POLR1C: variants seen among roughly 807,000 people sequenced by gnomAD.
The protein encoded by POLR1C is RNA polymerase I and III subunit C.
A neutral mutation model predicts 38.3 loss-of-function variants in POLR1C; 42 were observed. The observed-to-expected ratio is 1.10, with a 90% CI of 0.86 to 1.42. The LOEUF is 1.42. POLR1C is among the 40% of genes most tolerant of loss of function. The pLI is 0.00. For synonymous variants in POLR1C, 163 were observed against 163.9 expected, an observed-to-expected ratio of 0.99 and a Z score of 0.04; for missense variants, 507 against 450.5, an observed-to-expected ratio of 1.13 and a Z score of -1.14.
At chr6:43,537,218 T>C (rs1305573349) in intron 9 of POLR1C, among the ~76,000 whole-genome samples, 1 of 151,222 alleles carries the variant, frequency 6.6e-6, no homozygotes, top group African/African-American at 2.4e-5. Context: ...GAGATCCTCC[T>C]GCCCTGGCCT....
At chr6:43,534,526 T>C (rs775397011), downstream of POLR1C, among the ~76,000 whole-genome samples, 1 of 152,216 alleles carries the variant, frequency 6.6e-6, no homozygotes, top group Non-Finnish European at 1.5e-5. Context: ...TGAGCAATTA[T>C]AGGCTTTGAG....
chr6:43,558,326 T>C (rs1762221478), intron 10 of POLR1C, among the ~76,000 whole-genome samples: 1 of 152,116 alleles, frequency 6.6e-6, no homozygotes, highest in Admixed American at 6.6e-5. Flanking sequence ...CAAAATATTA[T>C]GCCTGGAATA....
chr6:43,528,988 G>T, intron 8 of POLR1C: 1 of 1,474,862 alleles, frequency 6.8e-7, no homozygotes, highest in Non-Finnish European at 9.3e-7. Context: ...CCAGGTGGTG[G>T]GTTGCACCCC....
chr6:43,533,653 A>G (rs1561867579), downstream of POLR1C: 1 of 269,956 alleles, frequency 3.7e-6, no homozygotes, highest in Non-Finnish European at 7.4e-6. Context: ...CCTGGGCAAC[A>G]TAGCAAGACT....
chr6:43,551,009 A>G (rs988272253), exon 10 of POLR1C: 1 of 213,694 alleles, frequency 4.7e-6, no homozygotes. Context: ...TACCTGATCC[A>G]CAGTAAGTAC....
exon 9 of POLR1C, chr6:43,529,411 G>A (rs538480695): frequency 6.8e-5 from 24 of 354,536 alleles, no homozygotes; most frequent in Admixed American, 2.9e-4. Context: ...AAAATTAGTC[G>A]GGCATGGGGG....
chr6:43,518,088 G>A lies in POLR1C; in HGVS notation c.141+711G>A, dbSNP rs150149724. Among the ~76,000 whole-genome samples the A allele has an allele frequency of 8.7e-4, 133 of 152,230 alleles. 1 individual carries two copies. The East Asian group carries it at 0.021, about 24-fold the overall frequency. Reference sequence around the variant, plus strand: ...GCATGTCCAAGTAGTTCTGGCATGAGTGGTAGGCAAGGTTGAAGTGTGTCT... The same window carrying A: ...GCATGTCCAAGTAGTTCTGGCATGAATGGTAGGCAAGGTTGAAGTGTGTCT... On this transcript the variant is annotated intron_variant, in intron 2 of 8. Coordinates refer to ENST00000642195, the MANE Select transcript of POLR1C (RefSeq NM_203290.4).
At chr6:43,548,267 A>G (rs1396670918) in intron 9 of POLR1C, 1 of 1,608,852 alleles carries the variant, frequency 6.2e-7, no homozygotes, top group East Asian at 2.2e-5. Context: ...TTACCTGTGC[A>G]TGTCTTGAGA....
exon 9 of POLR1C, chr6:43,529,378 TAA>T (rs35493258): frequency 0.071 from 8,385 of 117,932 alleles, 2 homozygotes; most frequent in South Asian, 0.11. Context: ...CCGTCTCTAC[TAA>T]AAAAAAAAAA....
At position 43,520,630 on chromosome 6, in the gene POLR1C, G is replaced by T. The variant is rs1000346057; in HGVS notation, c.661G>T (p.Asp221Tyr). The T allele has an allele frequency of 6.2e-7, 1 of 1,614,182 alleles. No individual in the cohort carries two copies. The highest frequency in any genetic ancestry group is 1.7e-5 in the Admixed American group (1 of 60,022). Reference protein sequence around the residue: ...LMHCVKGIGKDHAKFSPVATA... With the variant: ...LMHCVKGIGKYHAKFSPVATA... ...CGTTCCCTCTTCCTCTCCAGGCAAA[G>T]ATCATGCCAAGTTTTCACCAGTGGC... The change falls in exon 7 of 9, where the codon GAT (aspartate) becomes TAT (tyrosine). Residue 221 changes from aspartate to tyrosine, a missense_variant. By Grantham distance (160) the Asp-to-Tyr change is radical (BLOSUM62 -3). Coordinates refer to ENST00000642195, the MANE Select transcript of POLR1C (RefSeq NM_203290.4).
chr6:43,546,688 T>G, intron 9 of POLR1C: 1 of 1,613,386 alleles, frequency 6.2e-7, no homozygotes, highest in Non-Finnish European at 8.5e-7. Context: ...TTTGGCCTCT[T>G]CTAGGTCAGT....
At chr6:43,523,246 T>C, downstream of POLR1C, 1 of 190,384 alleles carries the variant, frequency 5.3e-6, no homozygotes, top group Non-Finnish European at 1.1e-5. Context: ...TACTTGATAC[T>C]GTGCCAAGTT....
intron 10 of POLR1C, chr6:43,553,658 G>A: frequency 5.0e-6 from 7 of 1,388,640 alleles, no homozygotes; most frequent in Admixed American, 6.0e-5. Context: ...CCTCTCAGCT[G>A]GGGCAAAGAA....
At chr6:43,533,945 G>A (rs1177940735), downstream of POLR1C, 8 of 1,607,568 alleles carry the variant, frequency 5.0e-6, no homozygotes, top group Non-Finnish European at 6.8e-6. Context: ...CATATCCAGA[G>A]CCTTGGTGAA....
At chr6:43,561,428 G>C (rs578169083) in exon 11 of POLR1C, 112 of 158,398 alleles carry the variant, frequency 7.1e-4, no homozygotes, top group African/African-American at 2.6e-3. Context: ...GCTCAGGCTG[G>C]AGAGCAGTGG....
intron 10 of POLR1C, among the ~76,000 whole-genome samples, chr6:43,556,302 C>T (rs368974752): frequency 1.3e-5 from 2 of 152,070 alleles, no homozygotes; most frequent in Non-Finnish European, 2.9e-5. Flanking sequence ...GGTGGGCAGA[C>T]TGCTTGTGCC....
chr6:43,518,689 T>G (rs1368291009), intron 2 of POLR1C, among the ~76,000 whole-genome samples: 3 of 152,038 alleles, frequency 2.0e-5, no homozygotes, highest in Non-Finnish European at 4.4e-5. Flanking sequence ...AAGGAGGAGA[T>G]TTTTTTCTTT....
chr6:43,524,227 C>T (rs1345863679), downstream of POLR1C, among the ~76,000 whole-genome samples: 2 of 152,026 alleles, frequency 1.3e-5, no homozygotes, highest in African/African-American at 4.8e-5. Context: ...TGGTGCATGC[C>T]TGTAATCCCA....
intron 10 of POLR1C, among the ~76,000 whole-genome samples, chr6:43,556,480 C>A (rs537351166): frequency 7.1e-4 from 105 of 148,878 alleles, no homozygotes; most frequent in Admixed American, 1.5e-3. Context: ...GAGCCATGAT[C>A]GCAGCACCAC....
Sources: allele counts gnomAD v4.1 joint callset (sites outside exome capture counted in the v4.1 genomes callset), GRCh38; gene constraint gnomAD v4.1.1; transcripts MANE v1.5; gene names NCBI Gene and HGNC (gene_info 2026-07-23, HGNC 2026-07-21).